Variants in RASSF5 observed in about 807,000 individuals in gnomAD.
The protein encoded by RASSF5 is ras association domain-containing protein 5.
Under a neutral mutation model 40.5 loss-of-function variants are expected in RASSF5, and 25 were observed. The observed-to-expected ratio is 0.62, with a 90% confidence interval of 0.45 to 0.86. The LOEUF (loss-of-function observed/expected upper bound fraction) is 0.86, where lower values mean the gene tolerates loss of function less well. RASSF5 is among the 40% of genes least tolerant of loss of function. The probability of loss-of-function intolerance (pLI) is 0.00; values close to 1 mark genes in which losing one functional copy is unlikely to be tolerated. For missense variants in RASSF5, 521 were observed against 572.8 expected (o/e 0.91, Z 0.92); for synonymous variants, 246 against 252.4 (o/e 0.97, Z 0.24).
At chr1:206,571,938 C>T (rs1014652323) in intron 2 of RASSF5, among the ~76,000 whole-genome samples, 7 of 152,180 alleles carry the variant, frequency 4.6e-5, no homozygotes, top group Non-Finnish European at 8.8e-5. Context: ...GTGTCACCCT[C>T]TTCTGTCTGG....
At position 206,583,046 on chromosome 1, in the gene RASSF5, G is replaced by A; in HGVS notation, c.580-223G>A. 2.2e-5 allele frequency: 11 copies of A among 489,010 alleles called. No individual in the cohort carries two copies. In the South Asian group the frequency reaches 2.3e-4, roughly 10 times the overall value. 30.3% of individuals were successfully genotyped at this position (489,010 alleles called of 1,614,324 possible). On this transcript the variant is annotated intron_variant, in intron 2 of 5. Coordinates refer to ENST00000579436, the MANE Select transcript of RASSF5 (RefSeq NM_182663.4). ...CCCATTTCACAGATGAGGAGACTGA[G>A]GCTTAGAGAAATCTGAGTTACTTCT... is the stretch of plus-strand genomic sequence containing the variant.
chr1:206,537,463 T>C (rs782786241), intron 1 of RASSF5, among the ~76,000 whole-genome samples: 1 of 152,174 alleles, frequency 6.6e-6, no homozygotes, highest in Non-Finnish European at 1.5e-5. Flanking sequence ...TTCTTCAAGA[T>C]ATGTCCTCCT....
intron 2 of RASSF5, among the ~76,000 whole-genome samples, chr1:206,538,997 T>G (rs1313194483): frequency 6.6e-6 from 1 of 152,206 alleles, no homozygotes; most frequent in African/African-American, 2.4e-5. Context: ...TAGCATACAC[T>G]GTGATGCATT....
At chr1:206,583,685 T>C in intron 3 of RASSF5, 1 of 340,568 alleles carries the variant, frequency 2.9e-6, no homozygotes, top group South Asian at 2.6e-5. Context: ...GGGCCCAGTA[T>C]TGCTTGGCCT....
rs1283650579 is a variant in RASSF5, at chr1:206,531,611, G to A, written c.458-6561G>A. On this transcript the variant is annotated intron_variant, in intron 1 of 5. Transcript: ENST00000579436. This position sits in a 1 kb window ranked among gnomAD's most constrained non-coding sequence, Gnocchi z 4.7. ...GCTGGTCCAGCCCAGAGGCTCCAGT[G>A]GGGCAACACCCAGTGGAAAAATGGG... is the stretch of plus-strand genomic sequence containing the variant. Among the ~76,000 whole-genome samples the A allele has an allele frequency of 2.0e-5, 3 of 152,158 alleles. No homozygotes were observed. Among genetic ancestry groups the A allele is most frequent in the Admixed American group, 6.5e-5 (1 of 15,278 alleles).
chr1:206,583,110 G>A, intron 2 of RASSF5, 159 bp from the exon 3 acceptor site: 1 of 574,638 alleles, frequency 1.7e-6, no homozygotes, highest in South Asian at 1.9e-5. Flanking sequence ...GCTGCAATTT[G>A]ACCTCTCATT....
At chr1:206,546,826 T>C (rs1428149938) in intron 2 of RASSF5, among the ~76,000 whole-genome samples, 3 of 152,252 alleles carry the variant, frequency 2.0e-5, no homozygotes, top group African/African-American at 7.2e-5. Context: ...AATGCTGACC[T>C]AAATTATGGT....
chr1:206,577,260 TG>T (rs1357319137), intron 2 of RASSF5, among the ~76,000 whole-genome samples: 1 of 152,116 alleles, frequency 6.6e-6, no homozygotes, highest in Admixed American at 6.5e-5. Flanking sequence ...TGCCAACCAC[TG>T]GTGCAGAGAA....
intron 1 of RASSF5, among the ~76,000 whole-genome samples, chr1:206,516,658 C>T (rs57753369): frequency 0.079 from 12,035 of 152,140 alleles, 783 homozygotes; most frequent in African/African-American, 0.18. Flanking sequence ...GGGGATTCAC[C>T]GTGTTAGCCA....
At chr1:206,515,503 G>A (rs1553395283) in intron 1 of RASSF5, among the ~76,000 whole-genome samples, 1 of 152,162 alleles carries the variant, frequency 6.6e-6, no homozygotes, top group East Asian at 1.9e-4. Flanking sequence ...AGCTCTCAGA[G>A]TTCATGACAC....
At chr1:206,563,929 T>C (rs6693578) in intron 2 of RASSF5, among the ~76,000 whole-genome samples, 73,754 of 152,040 alleles carry the variant, frequency 0.49, 18,239 homozygotes, top group Middle Eastern at 0.64. Context: ...GCTGAACTCT[T>C]ATTTCAAGGC....
At chr1:206,542,422 T>A (rs1258487683) in intron 2 of RASSF5, 1 of 152,208 alleles carries the variant, frequency 6.6e-6, no homozygotes. Context: ...CCTTCTACCA[T>A]GAGTAAAAGC....
intron 2 of RASSF5, among the ~76,000 whole-genome samples, chr1:206,576,848 C>G (rs1259397192): frequency 6.6e-6 from 1 of 152,166 alleles, no homozygotes; most frequent in Admixed American, 6.5e-5. Context: ...GTCACCTAGG[C>G]TGGAGTGCAG....
rs1327257894 is a variant in RASSF5 at position 206,552,707 on chromosome 1, C to T, written c.579+14414C>T. 1.3e-5 allele frequency among the ~76,000 whole-genome samples: 2 copies of T among 152,166 alleles called. No homozygotes were observed. Among genetic ancestry groups the T allele is most frequent in the Non-Finnish European group, 2.9e-5 (2 of 68,036 alleles). Reference sequence around the variant, plus strand: ...TTGCTTGGGCGAGTTTACTCTGAAACTCAGTTCATTCATCTGCAAAATACC... The same window carrying T: ...TTGCTTGGGCGAGTTTACTCTGAAATTCAGTTCATTCATCTGCAAAATACC... On this transcript the variant is annotated intron_variant, in intron 2 of 5. Transcript: ENST00000579436. The surrounding 1 kb of genome is among the most constrained non-coding windows in gnomAD (Gnocchi z 4.1).
At chr1:206,580,360 A>AT (rs782328922) in intron 2 of RASSF5, among the ~76,000 whole-genome samples, 31 of 152,238 alleles carry the variant, frequency 2.0e-4, no homozygotes, top group Non-Finnish European at 4.3e-4. Context: ...TCCATTACTT[A>AT]TTTTTTATAG....
chr1:206,535,715 G>GTGGT lies in RASSF5; in HGVS notation c.458-2457_458-2456insTGGT, dbSNP rs1553398561. On this transcript the variant is annotated intron_variant, in intron 1 of 5. Coordinates refer to ENST00000579436, the MANE Select transcript of RASSF5 (RefSeq NM_182663.4). The surrounding 1 kb of genome is among the most constrained non-coding windows in gnomAD (Gnocchi z 5.0). ...TGTGTGTGTGTGTCTGTGTGTGTGT[G>GTGGT]GTGTGTGTGTGTGTGTGTGTGTGTG... 6.9e-5 allele frequency among the ~76,000 whole-genome samples: 10 copies of GTGGT among 145,008 alleles called. No homozygotes were observed. Among genetic ancestry groups the GTGGT allele is most frequent in the African/African-American group, 2.6e-4 (10 of 38,940 alleles).
intron 2 of RASSF5, chr1:206,542,512 T>A (rs1667572341): frequency 6.6e-6 from 1 of 152,150 alleles, no homozygotes; most frequent in Non-Finnish European, 1.5e-5. Flanking sequence ...CAAATAAACC[T>A]TTTCTCTTTA....
chr1:206,583,166 A>G lies in RASSF5; in HGVS notation c.580-103A>G, dbSNP rs1553406715. ...AGTTAGTTCCACTCTGCAGGGCTGGATGCTCACTTCTTGGTTAGAGAGGCT... is the reference window on the plus strand; with the variant it reads ...AGTTAGTTCCACTCTGCAGGGCTGGGTGCTCACTTCTTGGTTAGAGAGGCT... On this transcript the variant is annotated intron_variant, in intron 2 of 5. Transcript: ENST00000579436. The G allele has an allele frequency of 4.0e-6, 3 of 756,598 alleles. No homozygotes were observed. In the East Asian group the frequency reaches 7.6e-5, roughly 19 times the overall value. The allele number at this position is 756,598 out of a possible 1,614,324, so 46.9% of individuals were successfully genotyped here. A position where few individuals can be genotyped will look rare whatever the true frequency, so the allele number is the denominator to read the frequency against.
rs1669011819 is a variant in RASSF5 at position 206,584,237 on chromosome 1, C to T, written c.691-150C>T. 2.7e-6 allele frequency: 2 copies of T among 741,130 alleles called. No individual in the cohort carries two copies. The highest frequency in any genetic ancestry group is 3.6e-5 in the African/African-American group (2 of 56,286). 45.9% of individuals were successfully genotyped at this position (741,130 alleles called of 1,614,324 possible). The stretch of plus-strand genomic sequence containing the variant: ...CAGCCCACTATGGGGAAAGGGATCT[C>T]TGCTCCTTCCTCCAGCTCTCCCACG... On this transcript the variant is annotated intron_variant, in intron 3 of 5. Coordinates refer to ENST00000579436, the MANE Select transcript of RASSF5 (RefSeq NM_182663.4). The surrounding 1 kb of genome is among the most constrained non-coding windows in gnomAD (Gnocchi z 4.9).
Sources: allele counts gnomAD v4.1 joint callset (sites outside exome capture counted in the v4.1 genomes callset), GRCh38; gene constraint gnomAD v4.1.1; non-coding constraint Gnocchi (gnomAD v3.1); transcripts MANE v1.5; gene names NCBI Gene and HGNC (gene_info 2026-07-23, HGNC 2026-07-21).